SAR1A: variants seen among roughly 807,000 people sequenced by gnomAD.
The protein encoded by SAR1A is small COPII coat GTPase SAR1A.
A neutral mutation model predicts 22.6 loss-of-function variants in SAR1A; 6 were observed. The ratio of observed to expected loss-of-function variants is 0.27; its 90% CI spans 0.15 to 0.52. SAR1A has a LOEUF of 0.52. SAR1A is among the 20% of genes least tolerant of loss of function. The pLI is 0.96. For synonymous variants in SAR1A, 70 were observed against 82.2 expected, an observed-to-expected ratio of 0.85 and a Z score of 0.80; for missense variants, 145 against 245.1, an observed-to-expected ratio of 0.59 and a Z score of 2.73.
intron 6 of SAR1A, among the ~76,000 whole-genome samples, chr10:70,152,990 G>C (rs1323182969): frequency 1.3e-5 from 2 of 152,144 alleles, no homozygotes; most frequent in Non-Finnish European, 2.9e-5. Context: ...ACTCATAACA[G>C]GTGGCACTGA....
chr10:70,166,327 C>T (rs1839549727), intron 1 of SAR1A, among the ~76,000 whole-genome samples: 1 of 152,176 alleles, frequency 6.6e-6, no homozygotes, highest in Admixed American at 6.6e-5. Context: ...CTGCTGTCAT[C>T]CAGTGAAGAA....
chr10:70,169,231 A>G (rs886880797), intron 1 of SAR1A, among the ~76,000 whole-genome samples: 3 of 152,080 alleles, frequency 2.0e-5, no homozygotes, highest in African/African-American at 7.2e-5. Context: ...TGTTAACAGT[A>G]CATAAAATTC....
chr10:70,169,768 G>A lies in SAR1A; in HGVS notation c.-17+645C>T, dbSNP rs181312931. On this transcript the variant is annotated intron_variant, in intron 1 of 6. Transcript: ENST00000373241. ...CAACCGAAGCCGATGGAATCAACAA[G>A]ACAAAGATGCTCCTGACCCACTGGC... 5.3e-5 allele frequency among the ~76,000 whole-genome samples: 8 copies of A among 152,302 alleles called. No homozygotes were observed. In the East Asian group the frequency reaches 1.5e-3, roughly 29 times the overall value.
At chr10:70,156,154 T>C (rs1329029181) in intron 5 of SAR1A, among the ~76,000 whole-genome samples, 1 of 152,138 alleles carries the variant, frequency 6.6e-6, no homozygotes, top group African/African-American at 2.4e-5. Context: ...GGTATGAGAT[T>C]AGAGCTCAGG....
In SAR1A at chr10:70,152,108, A is replaced by C. The variant is rs1839333014; in HGVS notation, c.*368T>G. 3.7e-6 allele frequency: 1 copy of C among 267,910 alleles called. No homozygotes were observed. Among genetic ancestry groups the C allele is most frequent in the Non-Finnish European group, 7.5e-6 (1 of 132,536 alleles). The allele number at this position is 267,910 out of a possible 1,614,324, so 16.6% of individuals were successfully genotyped here. A position where few individuals can be genotyped will look rare whatever the true frequency, so the allele number is the denominator to read the frequency against. Reference sequence around the variant, plus strand: ...GTGAACTCAAAAAGTTAGGAGGGATACCAATTACATTAACAACGCTTTCTT... The same window carrying C: ...GTGAACTCAAAAAGTTAGGAGGGATCCCAATTACATTAACAACGCTTTCTT... On this transcript the variant is annotated 3_prime_UTR_variant, in exon 7 of 7. Coordinates refer to ENST00000373241, the MANE Select transcript of SAR1A (RefSeq NM_020150.5).
At chr10:70,161,448 G>A (rs1026653043) in intron 3 of SAR1A, 171 bp downstream of exon 3, 1 of 699,788 alleles carries the variant, frequency 1.4e-6, no homozygotes, top group African/African-American at 1.8e-5. Context: ...AAGTTCCAGA[G>A]GTTTAGATCT....
rs1301044505 is a variant in SAR1A, at chr10:70,149,065, G to A, written c.*3411C>T. ...CCATGGCATCCTTTCACAGTAACAAGGACAACAGGACACCTCCAGTACTTT... is the reference window on the plus strand; with the variant it reads ...CCATGGCATCCTTTCACAGTAACAAAGACAACAGGACACCTCCAGTACTTT... On this transcript the variant is annotated 3_prime_UTR_variant, in exon 7 of 7. Transcript: ENST00000373241. 2 of 152,124 alleles carry A rather than the reference G, an allele frequency of 1.3e-5. No individual in the cohort carries two copies. Among genetic ancestry groups the A allele is most frequent in the African/African-American group, 4.8e-5 (2 of 41,400 alleles). 9.4% of individuals were successfully genotyped at this position (152,124 alleles called of 1,614,324 possible). A position where few individuals can be genotyped will look rare whatever the true frequency, so the allele number is the denominator to read the frequency against.
Position 70,157,874 on chromosome 10 carries a change from A to C in SAR1A, c.245-7T>G. On this transcript the variant is annotated splice_region_variant and splice_polypyrimidine_tract_variant and intron_variant, in intron 4 of 6. Coordinates refer to ENST00000373241, the MANE Select transcript of SAR1A (RefSeq NM_020150.5). ...TTTTTCCAAACGCGACGTGCTAAAAAACAAAGTTTGTAGTTGCATGAGTAA... is the reference window on the plus strand; with the variant it reads ...TTTTTCCAAACGCGACGTGCTAAAACACAAAGTTTGTAGTTGCATGAGTAA... 2 of 1,603,470 alleles carry C rather than the reference A, an allele frequency of 1.2e-6. No homozygotes were observed. Among genetic ancestry groups the C allele is most frequent in the Non-Finnish European group, 1.7e-6 (2 of 1,171,794 alleles).
intron 5 of SAR1A, among the ~76,000 whole-genome samples, 179 bp from the exon 6 acceptor site, chr10:70,154,148 CCA>C (rs1839358813): frequency 6.6e-6 from 1 of 152,146 alleles, no homozygotes; most frequent in Admixed American, 6.5e-5. Context: ...TACATAACAC[CCA>C]TGACATTAAG....
chr10:70,168,472 A>G (rs1839581171), intron 1 of SAR1A, among the ~76,000 whole-genome samples: 1 of 152,064 alleles, frequency 6.6e-6, no homozygotes, highest in Non-Finnish European at 1.5e-5. Flanking sequence ...GGCGCCTGTT[A>G]TCCCAGCTAC....
chr10:70,157,470 A>G (rs963629039), intron 5 of SAR1A, among the ~76,000 whole-genome samples: 7 of 152,154 alleles, frequency 4.6e-5, no homozygotes, highest in African/African-American at 1.7e-4. Flanking sequence ...AATACTATTA[A>G]TTATGCTGGG....
At chr10:70,162,049 A>T in intron 1 of SAR1A, 118 bp from the exon 2 acceptor site, 3 of 755,392 alleles carry the variant, frequency 4.0e-6, no homozygotes, top group Non-Finnish European at 6.5e-6. Flanking sequence ...TTTCGGGAAT[A>T]AGAAAGCAGG....
intron 4 of SAR1A, among the ~76,000 whole-genome samples, chr10:70,158,596 A>G (rs1839424816): frequency 6.6e-6 from 1 of 152,220 alleles, no homozygotes; most frequent in African/African-American, 2.4e-5. Context: ...AATAGAATGA[A>G]TAACGAACCA....
chr10:70,167,401 C>A (rs1839567667), intron 1 of SAR1A: 1 of 151,888 alleles, frequency 6.6e-6, no homozygotes, highest in Non-Finnish European at 1.5e-5. Context: ...AAAAGCATTA[C>A]CCACAAAAAA....
At chr10:70,170,033 A>G (rs1203483939) in intron 1 of SAR1A, among the ~76,000 whole-genome samples, 1 of 152,084 alleles carries the variant, frequency 6.6e-6, no homozygotes, top group Non-Finnish European at 1.5e-5. Flanking sequence ...CTCCGAGTCT[A>G]CAAAACAAGG....
intron 1 of SAR1A, chr10:70,164,196 A>G: frequency 1.6e-6 from 1 of 618,496 alleles, no homozygotes; most frequent in South Asian, 1.9e-5. Flanking sequence ...TTTGTAACTT[A>G]TCTGTAAAAG....
chr10:70,153,761 G>A lies in SAR1A; in HGVS notation c.480+77C>T, dbSNP rs779028430. On this transcript the variant is annotated intron_variant, in intron 6 of 6. Coordinates refer to ENST00000373241, the MANE Select transcript of SAR1A (RefSeq NM_020150.5). ...CTGTTTAAGCCTTTAAAAGAAAAGG[G>A]TAATCTAGATAGCGAAACATCATGT... 72 of 1,237,060 alleles carry A rather than the reference G, an allele frequency of 5.8e-5. No homozygotes were observed. The Admixed American group carries it at 8.5e-4, about 15-fold the overall frequency. The allele number at this position is 1,237,060 out of a possible 1,614,324, so 76.6% of individuals were successfully genotyped here.
chr10:70,169,479 CTA>C (rs1839596335), intron 1 of SAR1A, among the ~76,000 whole-genome samples: 3 of 152,192 alleles, frequency 2.0e-5, no homozygotes, highest in Admixed American at 2.0e-4. Flanking sequence ...CAACAAAACA[CTA>C]TTAATGTACC....
intron 4 of SAR1A, among the ~76,000 whole-genome samples, chr10:70,160,744 T>C (rs1839458515): frequency 6.6e-6 from 1 of 152,224 alleles, no homozygotes; most frequent in African/African-American, 2.4e-5. Flanking sequence ...CATGAATAGT[T>C]ATACATTATG....
Sources: allele counts gnomAD v4.1 joint callset (sites outside exome capture counted in the v4.1 genomes callset), GRCh38; gene constraint gnomAD v4.1.1; transcripts MANE v1.5; gene names NCBI Gene and HGNC (gene_info 2026-07-23, HGNC 2026-07-21).